The following RTL4 variants were observed in gnomAD, a reference collection of about 807,000 sequenced individuals.
RTL4 encodes the protein retrotransposon Gag-like protein 4.
Under a neutral mutation model 5.3 loss-of-function variants are expected in RTL4, and 4 were observed. The ratio of observed to expected loss-of-function variants is 0.75; its 90% CI spans 0.37 to 1.72. The LOEUF is 1.72. RTL4 is among the 40% of genes most tolerant of loss of function. The pLI, the probability that RTL4 is intolerant of heterozygous loss-of-function variation, is 0.04. For missense variants in RTL4, 260 were observed against 227.1 expected (o/e 1.14, Z -0.93); for synonymous variants, 98 against 87.3 (o/e 1.12, Z -0.68).
the RTL4 span, among the ~76,000 whole-genome samples, chrX:112,380,514 G>T: frequency 8.9e-6 from 1 of 112,103 alleles, no homozygotes; most frequent in African/African-American, 3.2e-5. Flanking sequence ...AGGAACTACA[G>T]TTTGTTTACC....
chrX:112,232,059 T>G, the RTL4 span, among the ~76,000 whole-genome samples: 1 of 110,032 alleles, frequency 9.1e-6, no homozygotes, highest in Non-Finnish European at 1.9e-5. Context: ...AGCTTGGGGT[T>G]GACAGGTATT....
At chrX:112,292,220 C>T in the RTL4 span, among the ~76,000 whole-genome samples, 1 of 111,839 alleles carries the variant, frequency 8.9e-6, no homozygotes, top group South Asian at 3.8e-4. Context: ...ATGCTCCCAC[C>T]TCCTTCAGAG....
At chrX:112,360,547 A>G in the RTL4 span, among the ~76,000 whole-genome samples, 1 of 105,806 alleles carries the variant, frequency 9.5e-6, no homozygotes, top group Admixed American at 1.0e-4. Context: ...TAGCGTTTAA[A>G]TTTTTTTTTT....
chrX:112,273,791 T>G, the RTL4 span, among the ~76,000 whole-genome samples: 4 of 111,265 alleles, frequency 3.6e-5, no homozygotes, highest in African/African-American at 1.3e-4. Context: ...AACCTTTCTG[T>G]GCCTGAATGT....
At chrX:112,436,764 C>CA in the RTL4 span, among the ~76,000 whole-genome samples, 2 of 110,388 alleles carry the variant, frequency 1.8e-5, no homozygotes, top group East Asian at 5.7e-4. Flanking sequence ...GCCTGTTGTT[C>CA]ACCATAACTT....
chrX:112,216,300 C>G, the RTL4 span, among the ~76,000 whole-genome samples: 1 of 111,752 alleles, frequency 8.9e-6, no homozygotes, highest in African/African-American at 3.3e-5. Context: ...AATTATTCCA[C>G]CAACGTAAAC....
upstream of RTL4, among the ~76,000 whole-genome samples, chrX:112,451,912 T>C (rs186277621): frequency 9.7e-4 from 108 of 111,513 alleles, no homozygotes; most frequent in African/African-American, 3.4e-3. Context: ...TTGAGATTTA[T>C]CTGGACAGTG....
the RTL4 span, among the ~76,000 whole-genome samples, chrX:112,363,917 G>A: frequency 9.0e-6 from 1 of 110,947 alleles, no homozygotes; most frequent in African/African-American, 3.3e-5. Flanking sequence ...GGATGGATGA[G>A]GAAAGAAGGG....
the RTL4 span, among the ~76,000 whole-genome samples, chrX:112,447,697 A>G: frequency 8.9e-6 from 1 of 112,181 alleles, no homozygotes; most frequent in African/African-American, 3.2e-5. Flanking sequence ...AAATATTCAG[A>G]TCACATGAAA....
the RTL4 span, among the ~76,000 whole-genome samples, chrX:112,115,311 A>C: frequency 9.0e-6 from 1 of 111,514 alleles, no homozygotes; most frequent in Non-Finnish European, 1.9e-5. Flanking sequence ...TTAGACCACA[A>C]ACAGGACCAA....
chrX:112,136,256 A>G, the RTL4 span, among the ~76,000 whole-genome samples: 2 of 111,748 alleles, frequency 1.8e-5, no homozygotes, highest in East Asian at 5.6e-4. Flanking sequence ...TACATATAAG[A>G]TTATTTCATC....
At chrX:112,452,381 G>A (rs1200443570), upstream of RTL4, among the ~76,000 whole-genome samples, 2 of 106,780 alleles carry the variant, frequency 1.9e-5, no homozygotes, top group Non-Finnish European at 3.8e-5. Context: ...GATTACAGGC[G>A]TGAGCCACCA....
chrX:112,305,179 CTTTT>C, the RTL4 span, among the ~76,000 whole-genome samples: 1 of 98,560 alleles, frequency 1.0e-5, no homozygotes. Flanking sequence ...TTTTTTTTGT[CTTTT>C]TTTTTTTTGA....
chrX:112,418,068 A>T, the RTL4 span, among the ~76,000 whole-genome samples: 10 of 111,304 alleles, frequency 9.0e-5, no homozygotes, highest in Non-Finnish European at 1.7e-4. Context: ...TGATCACTTG[A>T]ACCCAGGAGG....
chrX:112,097,723 C>T, the RTL4 span, among the ~76,000 whole-genome samples: 4 of 111,344 alleles, frequency 3.6e-5, no homozygotes, highest in Non-Finnish European at 1.9e-5. Flanking sequence ...TTAAATACCC[C>T]TTTGGAAAAT....
the RTL4 span, among the ~76,000 whole-genome samples, chrX:112,372,794 TTGAG>T: frequency 8.9e-6 from 1 of 112,047 alleles, no homozygotes. Flanking sequence ...TTCTCCCAAA[TTGAG>T]TGTTTCACTC....
At chrX:112,455,109 T>C in exon 1 of RTL4, 1 of 1,211,755 alleles carries the variant, frequency 8.3e-7, no homozygotes, top group South Asian at 1.8e-5. Context: ...AATATGAGAA[T>C]CTTATTCTTG....
chrX:112,240,824 C>T, the RTL4 span, among the ~76,000 whole-genome samples: 3 of 110,555 alleles, frequency 2.7e-5, no homozygotes, highest in South Asian at 3.9e-4. Context: ...ATCCCTCCCC[C>T]CACCGCACGA....
the RTL4 span, among the ~76,000 whole-genome samples, chrX:112,236,733 C>G: frequency 9.2e-6 from 1 of 108,804 alleles, no homozygotes; most frequent in African/African-American, 3.3e-5. Flanking sequence ...TAAAGCTGTA[C>G]TGTTGTAAGC....
Sources: gnomAD v4.1 joint callset for allele counts (sites outside exome capture counted in the v4.1 genomes callset) on GRCh38, gnomAD v4.1.1 for gene constraint, MANE v1.5 for transcripts, NCBI Gene and HGNC (gene_info 2026-07-23, HGNC 2026-07-21) for gene names.